ERC2: variants seen among roughly 807,000 people sequenced by gnomAD.
ERC2 encodes ELKS/RAB6-interacting/CAST family member 2, also known as ERC protein 2.
A neutral mutation model predicts 114.8 loss-of-function variants in ERC2; 42 were observed. The observed-to-expected ratio is 0.37, with a 90% CI of 0.29 to 0.47. The LOEUF (loss-of-function observed/expected upper bound fraction) is 0.47. Ranked by LOEUF, ERC2 falls within the 20% of genes least tolerant of loss-of-function variation. ERC2 has a pLI of 0.99. For synonymous variants in ERC2, 454 were observed against 425.5 expected, an observed-to-expected ratio of 1.07 and a Z score of -0.82; for missense variants, 939 against 1,150.7, an observed-to-expected ratio of 0.82 and a Z score of 2.66.
chr3:55,835,709 C>T (rs1355083305), intron 14 of ERC2, among the ~76,000 whole-genome samples: 2 of 152,202 alleles, frequency 1.3e-5, no homozygotes, highest in African/African-American at 4.8e-5. Flanking sequence ...GGGATGCCCT[C>T]TCTCACCACT....
chr3:56,216,502 T>G (rs2049482417), intron 3 of ERC2, among the ~76,000 whole-genome samples: 1 of 152,144 alleles, frequency 6.6e-6, no homozygotes, highest in South Asian at 2.1e-4. Flanking sequence ...CAATAATTAA[T>G]AGCTTACCAA....
intron 10 of ERC2, among the ~76,000 whole-genome samples, chr3:56,000,391 A>C (rs1405489449): frequency 6.6e-6 from 1 of 152,126 alleles, no homozygotes; most frequent in Non-Finnish European, 1.5e-5. Context: ...AGGCTAAATA[A>C]AACTGCCATA....
chr3:55,670,956 C>A (rs1041894062), intron 17 of ERC2, among the ~76,000 whole-genome samples: 1 of 152,176 alleles, frequency 6.6e-6, no homozygotes, highest in African/African-American at 2.4e-5. Context: ...TCTCTGGCTG[C>A]TTTTGCATGG....
intron 17 of ERC2, among the ~76,000 whole-genome samples, chr3:55,673,442 G>C (rs1375490250): frequency 6.6e-6 from 1 of 152,162 alleles, no homozygotes; most frequent in East Asian, 1.9e-4. Flanking sequence ...AACTAGCTGG[G>C]CATGGTGGCG....
intron 17 of ERC2, among the ~76,000 whole-genome samples, chr3:55,538,569 C>T (rs1028223345): frequency 2.0e-5 from 3 of 152,180 alleles, no homozygotes; most frequent in Non-Finnish European, 2.9e-5. Context: ...CTTTGTTGAA[C>T]GGCATTGCGT....
In ERC2 at chr3:56,437,800, T is replaced by G. The variant is rs377370311; in HGVS notation, c.-140-2653A>C. ...ATGATAAGAGAGACAGATAATGGAA[T>G]AGTGGAACAGGCAGTTACATGAATA... On this transcript the variant is annotated intron_variant, in intron 1 of 17. Coordinates refer to ENST00000288221, the MANE Select transcript of ERC2 (RefSeq NM_015576.3). Among the ~76,000 whole-genome samples the G allele has an allele frequency of 2.6e-4, 40 of 152,316 alleles. 1 individual carries two copies. The South Asian group carries it at 7.0e-3, about 27-fold the overall frequency.
Position 55,511,093 on chromosome 3 carries a change from C to T in ERC2, c.*223G>A, listed in dbSNP as rs1422224864. 2 of 152,570 alleles carry T rather than the reference C, an allele frequency of 1.3e-5. No individual in the cohort carries two copies. Among genetic ancestry groups the T allele is most frequent in the Non-Finnish European group, 2.9e-5 (2 of 68,030 alleles). 9.5% of individuals were successfully genotyped at this position (152,570 alleles called of 1,614,324 possible). The stretch of plus-strand genomic sequence containing the variant: ...TCATAACCAAATCCATGAGAAATGA[C>T]ATGAGGTGGTGAAGGAAATATCAAG... On this transcript the variant is annotated 3_prime_UTR_variant, in exon 18 of 18. Coordinates refer to ENST00000288221, the MANE Select transcript of ERC2 (RefSeq NM_015576.3).
At chr3:55,713,131 TCACACA>T (rs10656961) in intron 15 of ERC2, among the ~76,000 whole-genome samples, 5 of 139,418 alleles carry the variant, frequency 3.6e-5, no homozygotes, top group East Asian at 2.1e-4. Flanking sequence ...TCTCTCTGTC[TCACACA>T]CACACACACA....
Position 56,406,918 on chromosome 3 carries a change from A to G in ERC2, c.657+27433T>C, listed in dbSNP as rs1256384498. Among the ~76,000 whole-genome samples the G allele has an allele frequency of 2.0e-5, 3 of 152,320 alleles. No individual in the cohort carries two copies. In the East Asian group the frequency reaches 5.8e-4, roughly 29 times the overall value. On this transcript the variant is annotated intron_variant, in intron 2 of 17. Coordinates refer to ENST00000288221, the MANE Select transcript of ERC2 (RefSeq NM_015576.3). ...AAAATCCAGACAGACAATAATTCAG[A>G]AAAACACTAAGTTCAAAGTCAATGA...
chr3:56,159,673 G>C (rs1262013014), intron 4 of ERC2, among the ~76,000 whole-genome samples: 3 of 152,092 alleles, frequency 2.0e-5, no homozygotes, highest in Non-Finnish European at 4.4e-5. Context: ...TTCCTCCCTA[G>C]TAGTCCCCAG....
intron 14 of ERC2, among the ~76,000 whole-genome samples, chr3:55,781,162 T>C (rs1255177805): frequency 6.6e-6 from 1 of 152,068 alleles, no homozygotes; most frequent in African/African-American, 2.4e-5. Context: ...ACACTCAAAA[T>C]AATGCTGAGG....
At chr3:56,442,839 GAGGGGGATA>G in intron 1 of ERC2, among the ~76,000 whole-genome samples, 1 of 152,202 alleles carries the variant, frequency 6.6e-6, no homozygotes, top group East Asian at 1.9e-4. Context: ...ACTGTTGAAT[GAGGGGGATA>G]AGGCAGTGAT....
chr3:56,040,487 T>C (rs536709323), intron 7 of ERC2, among the ~76,000 whole-genome samples: 12 of 147,726 alleles, frequency 8.1e-5, no homozygotes, highest in Admixed American at 4.1e-4. Flanking sequence ...AAGCATAAGC[T>C]ACAGCACTCA....
chr3:55,871,765 T>C (rs1001036101), intron 14 of ERC2, among the ~76,000 whole-genome samples: 3 of 152,174 alleles, frequency 2.0e-5, no homozygotes, highest in African/African-American at 7.2e-5. Context: ...CCTTCTGATT[T>C]CCCCATATAA....
At position 55,720,259 on chromosome 3, in the gene ERC2, C is replaced by T. The variant is rs570534737; in HGVS notation, c.2712+14512G>A. 2.3e-4 allele frequency among the ~76,000 whole-genome samples: 14 copies of T among 61,324 alleles called. 3 individuals carry two copies. Among genetic ancestry groups the T allele is most frequent in the Non-Finnish European group, 3.2e-4 (11 of 34,178 alleles). 40.2% of individuals were successfully genotyped at this position (61,324 alleles called of 152,430 possible). ...TCTTCTTCTCTCTCTCTCTCTCTCTCTCTGTCTATCTCTCTGCCCCTCCCT... is the reference window on the plus strand; with the variant it reads ...TCTTCTTCTCTCTCTCTCTCTCTCTTTCTGTCTATCTCTCTGCCCCTCCCT... On this transcript the variant is annotated intron_variant, in intron 15 of 17. Transcript: ENST00000288221.
chr3:56,028,134 G>A (rs1022651865), intron 7 of ERC2, among the ~76,000 whole-genome samples: 5 of 151,972 alleles, frequency 3.3e-5, no homozygotes, highest in African/African-American at 1.2e-4. Flanking sequence ...GTATTTCTGG[G>A]TCCTAGTCTG....
In ERC2 at chr3:56,016,941, G is replaced by A. The variant is rs540327762; in HGVS notation, c.1779+1953C>T. ...ATTACTCTAGTAGGGCATCCCAGAG[G>A]AAAACCCTCACAACATCCCATGCAT... is the stretch of plus-strand genomic sequence containing the variant. On this transcript the variant is annotated intron_variant, in intron 8 of 17. Transcript: ENST00000288221. Among the ~76,000 whole-genome samples the A allele has an allele frequency of 3.3e-5, 5 of 152,174 alleles. No homozygotes were observed. The East Asian group carries it at 9.7e-4, about 29-fold the overall frequency.
At chr3:55,734,955 A>G (rs1305784279) in intron 14 of ERC2, 37 bp from the exon 15 acceptor site, 1 of 1,493,720 alleles carries the variant, frequency 6.7e-7, no homozygotes. Flanking sequence ...ATTTTTGTAA[A>G]ATAAAAAAAA....
intron 2 of ERC2, among the ~76,000 whole-genome samples, chr3:56,347,032 G>C (rs1419597642): frequency 1.3e-5 from 2 of 152,122 alleles, no homozygotes; most frequent in South Asian, 4.1e-4. Context: ...AATTTTGGAG[G>C]GGCACATTCA....
Sources: gnomAD v4.1 joint callset for allele counts (sites outside exome capture counted in the v4.1 genomes callset) on GRCh38, gnomAD v4.1.1 for gene constraint, MANE v1.5 for transcripts, NCBI Gene and HGNC (gene_info 2026-07-23, HGNC 2026-07-21) for gene names.